RUSC2: variants seen among roughly 807,000 people sequenced by gnomAD.
RUSC2 encodes RUN and SH3 domain containing 2, also known as AP-4 complex accessory subunit RUSC2.
In RUSC2, 34 loss-of-function variants were observed where a neutral mutation model predicts 122.2. The observed-to-expected ratio is 0.28, with a 90% CI of 0.21 to 0.37. The LOEUF (loss-of-function observed/expected upper bound fraction) is 0.37. RUSC2 is among the 10% of genes least tolerant of loss of function. The pLI, the probability that RUSC2 is intolerant of heterozygous loss-of-function variation, is 1.00. For missense variants in RUSC2, 1,747 were observed against 1,952.4 expected (o/e 0.89, Z 1.98); for synonymous variants, 784 against 790.0 (o/e 0.99, Z 0.13).
intron 1 of RUSC2, among the ~76,000 whole-genome samples, chr9:35,526,874 A>G (rs1463932634): frequency 3.3e-5 from 5 of 152,192 alleles, no homozygotes; most frequent in African/African-American, 1.2e-4. Context: ...TCCTGAATCC[A>G]TGGATTCTTG....
Position 35,500,617 on chromosome 9 carries a change from T to G in RUSC2, c.-93+10445T>G, listed in dbSNP as rs1245588706. Among the ~76,000 whole-genome samples, 3 of 152,254 alleles carry G rather than the reference T, an allele frequency of 2.0e-5. No homozygotes were observed. The East Asian group carries it at 5.8e-4, about 29-fold the overall frequency. ...GCTTTTACTAGGAGCACTACTGGAA[T>G]GAGTTAAATTTCTCAAGGTGGCTAC... On this transcript the variant is annotated intron_variant, in intron 1 of 11. Transcript: ENST00000361226.
chr9:35,548,422 G>T lies in RUSC2; in HGVS notation c.1901G>T (p.Gly634Val). The T allele has an allele frequency of 1.2e-6, 2 of 1,613,952 alleles. No homozygotes were observed. The highest frequency in any genetic ancestry group is 1.7e-6 in the Non-Finnish European group (2 of 1,180,024). ...CACTCCAGTGAGATGCCTCCTGCTG[G>T]CCTCAGAGCTACTGGGCAAGGCCCC... ...GPHSSEMPPA[G>V]LRATGQGPLA... Residue 634 changes from glycine (G) to valine (V), a missense_variant, in exon 2 of 12, where the codon GGC becomes GTC. By Grantham distance (109) the Gly-to-Val change is moderately radical (BLOSUM62 -3). Transcript: ENST00000361226. This position sits in a 1 kb window ranked among gnomAD's most constrained non-coding sequence, Gnocchi z 4.5.
At chr9:35,492,157 A>G (rs892378625) in intron 1 of RUSC2, among the ~76,000 whole-genome samples, 2 of 152,064 alleles carry the variant, frequency 1.3e-5, no homozygotes, top group Non-Finnish European at 2.9e-5. Context: ...CCTCACCTCC[A>G]ATACTTCAGT....
intron 1 of RUSC2, among the ~76,000 whole-genome samples, chr9:35,498,557 C>G (rs1820762621): frequency 1.3e-5 from 2 of 149,600 alleles, no homozygotes; most frequent in African/African-American, 4.9e-5. Context: ...GACTCTGTCT[C>G]AAAAAAAGAA....
chr9:35,556,530 A>ATCTCTAAGTGCTGGCTGGGC, intron 5 of RUSC2, 82 bp downstream of exon 5: 1 of 1,327,958 alleles, frequency 7.5e-7, no homozygotes, highest in East Asian at 2.4e-5. Context: ...CCAGTCTGAA[A>ATCTCTAAGTGCTGGCTGGGC]CCTCTAAGTG....
At chr9:35,541,583 A>C (rs1443929124) in intron 1 of RUSC2, among the ~76,000 whole-genome samples, 1 of 151,850 alleles carries the variant, frequency 6.6e-6, no homozygotes, top group Non-Finnish European at 1.5e-5. Flanking sequence ...AGTAGCTGGG[A>C]TTACAGGAGC....
At chr9:35,529,078 A>G (rs1302612762) in intron 1 of RUSC2, among the ~76,000 whole-genome samples, 1 of 152,150 alleles carries the variant, frequency 6.6e-6, no homozygotes, top group Non-Finnish European at 1.5e-5. Flanking sequence ...CTCACTAGCC[A>G]TTTTTCCATT....
chr9:35,546,926 C>T lies in RUSC2; in HGVS notation c.405C>T (p.Gly135=), dbSNP rs41277049. The T allele has an allele frequency of 0.03, 46,481 of 1,575,462 alleles. 1,174 individuals carry two copies. The highest frequency in any genetic ancestry group is 0.13 in the Admixed American group (7,418 of 57,032). The change falls in exon 2 of 12, where the codon GGC becomes GGT. Residue 135 remains glycine, a synonymous_variant. Coordinates refer to ENST00000361226, the MANE Select transcript of RUSC2 (RefSeq NM_014806.5). This position sits in a 1 kb window ranked among gnomAD's most constrained non-coding sequence, Gnocchi z 4.3. ...CCCAGCAGTCCTTCCACCTGCATGG[C>T]ACTGGCCAGCCCAACTTTCATCTAT... is the stretch of plus-strand genomic sequence containing the variant. ...SATQQSFHLH[G]TGQPNFHLSS...
Position 35,560,188 on chromosome 9 carries a change from A to G in RUSC2, c.3548A>G (p.Gln1183Arg). The G allele has an allele frequency of 6.2e-7, 1 of 1,605,970 alleles. No individual in the cohort carries two copies. The highest frequency in any genetic ancestry group is 8.5e-7 in the Non-Finnish European group (1 of 1,179,694). ...LFQHRLLQSG[Q>R]QQRQHKELLR... ...CAGCACCGGCTGCTGCAAAGTGGGCAGCAGCAGCGGCAGCACAAGGAACTG... is the reference window on the plus strand; with the variant it reads ...CAGCACCGGCTGCTGCAAAGTGGGCGGCAGCAGCGGCAGCACAAGGAACTG... Residue 1183 changes from glutamine (Q) to arginine (R), a missense_variant, in exon 10 of 12, where the codon CAG (glutamine) becomes CGG (arginine). Gln to Arg is a conservative substitution (Grantham distance 43). Transcript: ENST00000361226.
chr9:35,520,573 C>T (rs907021230), intron 1 of RUSC2, among the ~76,000 whole-genome samples: 2 of 152,184 alleles, frequency 1.3e-5, no homozygotes, highest in Admixed American at 1.3e-4. Flanking sequence ...AGTCCACTGC[C>T]TGTGGGGTGG....
rs367982196 is a variant in RUSC2, at chr9:35,556,092, C to G, written c.2797C>G (p.Pro933Ala). The change falls in exon 4 of 12, where the codon CCT (proline) becomes GCT (alanine). Residue 933 changes from proline to alanine, a missense_variant. Transcript: ENST00000361226. ...LARRNPIFEF[P>A]GSLSAASHLN... is the part of the protein sequence containing the mutation. Reference sequence around the variant, plus strand: ...CCGAAGAAACCCTATCTTTGAGTTCCCTGGCTCCCTCAGTGCTGCCAGCCA... The same window carrying G: ...CCGAAGAAACCCTATCTTTGAGTTCGCTGGCTCCCTCAGTGCTGCCAGCCA... The G allele has an allele frequency of 1.5e-5, 25 of 1,614,076 alleles. No individual in the cohort carries two copies. The South Asian group carries it at 2.3e-4, about 15-fold the overall frequency.
In RUSC2 at chr9:35,546,022, T is replaced by TAGACACAG. The variant is rs1232499581; in HGVS notation, c.-92-408_-92-407insAGACACAG. ...TGTAAACTTGTGTGCTATAGCTGTG[T>TAGACACAG]CTAAGCCTTAAACATCCTAGATGGT... On this transcript the variant is annotated intron_variant, in intron 1 of 11. Transcript: ENST00000361226. This position sits in a 1 kb window ranked among gnomAD's most constrained non-coding sequence, Gnocchi z 4.3. 6.6e-6 allele frequency among the ~76,000 whole-genome samples: 1 copy of TAGACACAG among 152,212 alleles called. No individual in the cohort carries two copies. Among genetic ancestry groups the TAGACACAG allele is most frequent in the Non-Finnish European group, 1.5e-5 (1 of 68,038 alleles).
intron 1 of RUSC2, among the ~76,000 whole-genome samples, chr9:35,506,096 C>A (rs1235833539): frequency 6.6e-6 from 1 of 152,068 alleles, no homozygotes; most frequent in African/African-American, 2.4e-5. Context: ...CTTAAGGAAT[C>A]CATAAAAACT....
At chr9:35,549,501 C>T (rs1016047973) in intron 2 of RUSC2, among the ~76,000 whole-genome samples, 7 of 152,112 alleles carry the variant, frequency 4.6e-5, no homozygotes, top group Admixed American at 6.6e-5. Context: ...AAACAGAAAA[C>T]GTAGTTGATC....
intron 2 of RUSC2, chr9:35,549,198 G>T: frequency 1.0e-6 from 1 of 985,328 alleles, no homozygotes; most frequent in Non-Finnish European, 1.2e-6. Context: ...TGGAAGAAAA[G>T]TTCAGGTTCA....
At chr9:35,517,056 A>C (rs1821122769) in intron 1 of RUSC2, among the ~76,000 whole-genome samples, 1 of 152,184 alleles carries the variant, frequency 6.6e-6, no homozygotes, top group Admixed American at 6.5e-5. Flanking sequence ...TACAAGAAAA[A>C]AATTTTAAAA....
At chr9:35,507,631 T>A (rs1271457702) in intron 1 of RUSC2, 1 of 228,610 alleles carries the variant, frequency 4.4e-6, no homozygotes, top group Non-Finnish European at 9.1e-6. Context: ...CTCCACAAAG[T>A]GACATAGTCC....
In RUSC2 at chr9:35,561,423, C is replaced by T. The variant is rs774005351; in HGVS notation, c.*41C>T. Reference sequence around the variant, plus strand: ...GGTGGCCTCAGGGACCCTCATAACCCCCAGACTCAGAGCCCGAGAGCCCTT... The same window carrying T: ...GGTGGCCTCAGGGACCCTCATAACCTCCAGACTCAGAGCCCGAGAGCCCTT... On this transcript the variant is annotated 3_prime_UTR_variant, in exon 12 of 12. Transcript: ENST00000361226. 6.5e-7 allele frequency: 1 copy of T among 1,526,822 alleles called. No homozygotes were observed. Among genetic ancestry groups the T allele is most frequent in the Non-Finnish European group, 8.9e-7 (1 of 1,125,562 alleles). The allele number at this position is 1,526,822 out of a possible 1,614,324, so 94.6% of individuals were successfully genotyped here. A position where few individuals can be genotyped will look rare whatever the true frequency, so the allele number is the denominator to read the frequency against.
At position 35,560,852 on chromosome 9, in the gene RUSC2, G is replaced by A; in HGVS notation, c.4211+1G>A. 6.5e-7 allele frequency: 1 copy of A among 1,544,646 alleles called. No individual in the cohort carries two copies. The highest frequency in any genetic ancestry group is 8.7e-7 in the Non-Finnish European group (1 of 1,147,720). On this transcript the variant is annotated splice_donor_variant, in intron 10 of 11. Coordinates refer to ENST00000361226, the MANE Select transcript of RUSC2 (RefSeq NM_014806.5). LOFTEE classifies it high-confidence loss of function. ...AGCGGGAGGCCCGGCCCACAAATAG[G>A]TGAGAGCCTGCCCATGGTAGGGATG...
Sources: gnomAD v4.1 joint callset for allele counts (sites outside exome capture counted in the v4.1 genomes callset) on GRCh38, gnomAD v4.1.1 for gene constraint, Gnocchi (gnomAD v3.1) non-coding constraint, MANE v1.5 for transcripts, NCBI Gene and HGNC (gene_info 2026-07-23, HGNC 2026-07-21) for gene names.